WNT7B: variants seen among roughly 807,000 people sequenced by gnomAD.
WNT7B encodes the protein protein Wnt-7b.
Under a neutral mutation model 38.2 loss-of-function variants are expected in WNT7B, and 19 were observed. That is an observed-to-expected ratio of 0.50 (90% CI 0.35 to 0.73). WNT7B has a LOEUF of 0.73. Ranked by LOEUF, WNT7B falls within the 30% of genes least tolerant of loss-of-function variation. The pLI, the probability that WNT7B is intolerant of heterozygous loss-of-function variation, is 0.01. For missense variants in WNT7B, 423 were observed against 507.9 expected, an observed-to-expected ratio of 0.83 and a Z score of 1.61; for synonymous variants, 243 against 209.3, an observed-to-expected ratio of 1.16 and a Z score of -1.39.
At chr22:45,928,371 G>A (rs991771564) in intron 3 of WNT7B, among the ~76,000 whole-genome samples, 1 of 152,216 alleles carries the variant, frequency 6.6e-6, no homozygotes, top group Non-Finnish European at 1.5e-5. Context: ...CAAGGGCTCA[G>A]ACCACGCTTG....
chr22:45,945,998 A>C (rs1430999530), intron 2 of WNT7B, among the ~76,000 whole-genome samples: 2 of 152,196 alleles, frequency 1.3e-5, no homozygotes, highest in African/African-American at 4.8e-5. Context: ...GGGTGGGGCT[A>C]GGGGGCCCAA....
chr22:45,938,542 C>T (rs1383134574), intron 2 of WNT7B, among the ~76,000 whole-genome samples: 2 of 151,808 alleles, frequency 1.3e-5, no homozygotes, highest in African/African-American at 4.8e-5. Flanking sequence ...GAGGCTGAGG[C>T]AGGAGAATCG....
In WNT7B at chr22:45,977,072, G is replaced by C. The variant is rs113608058; in HGVS notation, c.-318C>G. 9 of 956,798 alleles carry C rather than the reference G, an allele frequency of 9.4e-6. No individual in the cohort carries two copies. In the African/African-American group the frequency reaches 1.4e-4, roughly 15 times the overall value. The allele number at this position is 956,798 out of a possible 1,614,324, so 59.3% of individuals were successfully genotyped here. ...CGCGGCTGGCGGGCGGGTGCAGCCT[G>C]CACTAGGCGCAGCCGCCTGAGGCCG... On this transcript the variant is annotated 5_prime_UTR_variant, in exon 1 of 4. Transcript: ENST00000339464.
At chr22:45,962,313 T>C (rs975858420) in intron 1 of WNT7B, among the ~76,000 whole-genome samples, 2 of 152,182 alleles carry the variant, frequency 1.3e-5, no homozygotes, top group African/African-American at 4.8e-5. Flanking sequence ...ATCTGTGAAA[T>C]GAGAGCCTCA....
At chr22:45,940,423 C>T (rs533486718) in intron 2 of WNT7B, among the ~76,000 whole-genome samples, 3 of 152,206 alleles carry the variant, frequency 2.0e-5, no homozygotes, top group Non-Finnish European at 2.9e-5. Flanking sequence ...CTGACCTGGA[C>T]GCCACGCTTG....
chr22:45,972,116 G>GGGGCCCCCCCCCC (rs1283205696), intron 1 of WNT7B: 14 of 530,714 alleles, frequency 2.6e-5, no homozygotes, highest in Middle Eastern at 5.0e-4. Flanking sequence ...CCCGGGGGGA[G>GGGGCCCCCCCCCC]CCCACCCGCC....
rs147551385 is a variant in WNT7B at position 45,932,380 on chromosome 22, G to A, written c.299-1011C>T. 9.9e-5 allele frequency among the ~76,000 whole-genome samples: 15 copies of A among 152,042 alleles called. No individual in the cohort carries two copies. The South Asian group carries it at 1.5e-3, about 15-fold the overall frequency. On this transcript the variant is annotated intron_variant, in intron 2 of 3. Coordinates refer to ENST00000339464, the MANE Select transcript of WNT7B (RefSeq NM_058238.3). ...AAATCCCAAGGACCTTCCAAGGCCC[G>A]GGTCTGAGGCCTCCCTGTCCAGGCA...
At chr22:45,949,889 C>T in intron 2 of WNT7B, 31 bp downstream of exon 2, 1 of 1,589,384 alleles carries the variant, frequency 6.3e-7, no homozygotes, top group Non-Finnish European at 8.6e-7. Flanking sequence ...GCCACAATGG[C>T]TGGGCCCCTT....
intron 1 of WNT7B, among the ~76,000 whole-genome samples, chr22:45,967,047 G>A (rs187535706): frequency 6.6e-6 from 1 of 152,230 alleles, no homozygotes; most frequent in Admixed American, 6.5e-5. Context: ...GGGCAGGGAT[G>A]GGGGAGGGGC....
intron 2 of WNT7B, among the ~76,000 whole-genome samples, chr22:45,941,437 G>A (rs750234205): frequency 2.0e-5 from 3 of 151,570 alleles, no homozygotes; most frequent in Non-Finnish European, 4.4e-5. Flanking sequence ...CTTGAACCCA[G>A]GAGATGAAGG....
At chr22:45,929,782 AC>A (rs905875417) in intron 3 of WNT7B, among the ~76,000 whole-genome samples, 2 of 149,712 alleles carry the variant, frequency 1.3e-5, no homozygotes, top group Non-Finnish European at 3.0e-5. Context: ...CCTTCCATCC[AC>A]CCACCGATCC....
chr22:45,922,716 T>C lies in WNT7B; in HGVS notation c.*140A>G. 7.4e-7 allele frequency: 1 copy of C among 1,355,490 alleles called. No individual in the cohort carries two copies. Among genetic ancestry groups the C allele is most frequent in the Non-Finnish European group, 9.8e-7 (1 of 1,019,200 alleles). The allele number at this position is 1,355,490 out of a possible 1,614,324, so 84.0% of individuals were successfully genotyped here. A position where few individuals can be genotyped will look rare whatever the true frequency, so the allele number is the denominator to read the frequency against. On this transcript the variant is annotated 3_prime_UTR_variant, in exon 4 of 4. Coordinates refer to ENST00000339464, the MANE Select transcript of WNT7B (RefSeq NM_058238.3). ...GGCAGAGGGCGTGGGCCCCGGCCGG[T>C]GCCCTCCTGCACCTGGAGCTCCCCG...
chr22:45,943,002 GTA>G (rs1014299325), intron 2 of WNT7B, among the ~76,000 whole-genome samples: 5 of 144,446 alleles, frequency 3.5e-5, no homozygotes, highest in Admixed American at 6.7e-5. Flanking sequence ...GTGTAGGCGT[GTA>G]TGTGTGCAGT....
At chr22:45,924,214 G>A (rs917851360) in intron 3 of WNT7B, among the ~76,000 whole-genome samples, 13 of 152,212 alleles carry the variant, frequency 8.5e-5, no homozygotes, top group Non-Finnish European at 1.5e-4. Flanking sequence ...CAGCCCTGCC[G>A]GGGCTTGGCC....
intron 1 of WNT7B, among the ~76,000 whole-genome samples, chr22:45,970,390 G>C (rs1932407165): frequency 6.6e-6 from 1 of 152,138 alleles, no homozygotes; most frequent in African/African-American, 2.4e-5. Context: ...CGGATGAGGG[G>C]CCAGCCCTGA....
intron 1 of WNT7B, among the ~76,000 whole-genome samples, chr22:45,964,005 CT>C (rs1292036670): frequency 6.6e-6 from 1 of 152,102 alleles, no homozygotes; most frequent in East Asian, 1.9e-4. Flanking sequence ...GAGGCAGGTT[CT>C]GAGAGAGAGC....
At chr22:45,931,630 C>T (rs1009097124) in intron 2 of WNT7B, among the ~76,000 whole-genome samples, 5 of 135,678 alleles carry the variant, frequency 3.7e-5, no homozygotes, top group Non-Finnish European at 8.6e-5. Flanking sequence ...GGCCCCAGTG[C>T]ACCCTGCGAC....
intron 1 of WNT7B, among the ~76,000 whole-genome samples, chr22:45,954,310 T>C (rs896806151): frequency 2.0e-5 from 3 of 151,520 alleles, no homozygotes; most frequent in African/African-American, 7.3e-5. Context: ...CCATCTGGGG[T>C]GATGGAAAGT....
At chr22:45,960,671 T>C (rs984415536) in intron 1 of WNT7B, among the ~76,000 whole-genome samples, 1 of 152,168 alleles carries the variant, frequency 6.6e-6, no homozygotes, top group African/African-American at 2.4e-5. Flanking sequence ...CTGGCAAAAA[T>C]ATCTGAAGAA....
Sources: allele counts gnomAD v4.1 joint callset (sites outside exome capture counted in the v4.1 genomes callset), GRCh38; gene constraint gnomAD v4.1.1; transcripts MANE v1.5; gene names NCBI Gene and HGNC (gene_info 2026-07-23, HGNC 2026-07-21).